PTPRN2: variants seen among roughly 807,000 people sequenced by gnomAD.
PTPRN2 encodes protein tyrosine phosphatase receptor type N2.
A neutral mutation model predicts 118.8 loss-of-function variants in PTPRN2; 74 were observed. The ratio of observed to expected loss-of-function variants is 0.62; its 90% CI spans 0.52 to 0.76. The LOEUF (loss-of-function observed/expected upper bound fraction) is 0.76, where lower values mean the gene tolerates loss of function less well. PTPRN2 is among the 30% of genes least tolerant of loss of function. The pLI, the probability that PTPRN2 is intolerant of heterozygous loss-of-function variation, is 0.00. For missense variants in PTPRN2, 1,481 were observed against 1,394.4 expected, an observed-to-expected ratio of 1.06 and a Z score of -0.99; for synonymous variants, 641 against 608.0, an observed-to-expected ratio of 1.05 and a Z score of -0.80.
chr7:157,814,102 C>T (rs1254032466), intron 12 of PTPRN2, among the ~76,000 whole-genome samples: 3 of 152,362 alleles, frequency 2.0e-5, no homozygotes, highest in South Asian at 2.1e-4. Context: ...GCCTGGTGCA[C>T]GGAGCCCCTG....
Position 158,370,687 on chromosome 7 carries a change from G to A in PTPRN2, c.164-53755C>T, listed in dbSNP as rs184592054. 1.2e-4 allele frequency among the ~76,000 whole-genome samples: 19 copies of A among 152,158 alleles called. No individual in the cohort carries two copies. The East Asian group carries it at 3.1e-3, about 25-fold the overall frequency. On this transcript the variant is annotated intron_variant, in intron 2 of 22. Transcript: ENST00000389418. ...GAATGCCATAAACCCAGGAGGCGGA[G>A]CTTGCAGTGAACCAAGATTGCACCA...
chr7:157,663,852 AT>A (rs1018802778), intron 13 of PTPRN2, among the ~76,000 whole-genome samples: 1 of 152,236 alleles, frequency 6.6e-6, no homozygotes, highest in African/African-American at 2.4e-5. Flanking sequence ...TTACCTTAAC[AT>A]TTAAAAATTT....
chr7:157,861,374 C>T lies in PTPRN2; in HGVS notation c.1788+37299G>A, dbSNP rs201423074. On this transcript the variant is annotated intron_variant, in intron 12 of 22. Transcript: ENST00000389418. This position sits in a 1 kb window ranked among gnomAD's most constrained non-coding sequence, Gnocchi z 5.8. Reference sequence around the variant, plus strand: ...AAGGAGCCCGGGTCCCTTCAGTCTGCGCTCCCTGCGGTGGGCAGTGGCTTC... The same window carrying T: ...AAGGAGCCCGGGTCCCTTCAGTCTGTGCTCCCTGCGGTGGGCAGTGGCTTC... Among the ~76,000 whole-genome samples, 56 of 152,340 alleles carry T rather than the reference C, an allele frequency of 3.7e-4. No individual in the cohort carries two copies. Among genetic ancestry groups the T allele is most frequent in the Non-Finnish European group, 6.0e-4 (41 of 68,028 alleles).
rs1266693131 is a variant in PTPRN2, at chr7:157,890,415, G to A, written c.1788+8258C>T. ...CCAGCACTTTGGGAGGCCAAGGCAG[G>A]CGGATCATGAGGTCAGGACATCAAA... On this transcript the variant is annotated intron_variant, in intron 12 of 22. Coordinates refer to ENST00000389418, the MANE Select transcript of PTPRN2 (RefSeq NM_002847.5). 2.6e-5 allele frequency among the ~76,000 whole-genome samples: 4 copies of A among 152,190 alleles called. No homozygotes were observed. In the South Asian group the frequency reaches 6.2e-4, roughly 24 times the overall value.
At chr7:158,340,833 T>G (rs544642898) in intron 2 of PTPRN2, among the ~76,000 whole-genome samples, 1,549 of 82,008 alleles carry the variant, frequency 0.019, 303 homozygotes, top group African/African-American at 0.073. Context: ...ACACCCACAC[T>G]CTCACCATAA....
chr7:158,031,192 C>T (rs1416218048), intron 11 of PTPRN2: 1 of 152,202 alleles, frequency 6.6e-6, no homozygotes, highest in African/African-American at 2.4e-5. Flanking sequence ...AATGTAAAAA[C>T]AGAGCTGAAT....
At chr7:157,968,506 G>A (rs1014788992) in intron 11 of PTPRN2, among the ~76,000 whole-genome samples, 1 of 152,200 alleles carries the variant, frequency 6.6e-6, no homozygotes, top group Non-Finnish European at 1.5e-5. Flanking sequence ...TTGTGTGAAT[G>A]GATGTGAACC....
At position 158,457,685 on chromosome 7, in the gene PTPRN2, C is replaced by G. The variant is rs1383591088; in HGVS notation, c.163+32050G>C. On this transcript the variant is annotated intron_variant, in intron 2 of 22. Transcript: ENST00000389418. Reference sequence around the variant, plus strand: ...ACTCCCGCTCCAGGGCGAGCCTGGCCTGGGGGGAGTCACAGTAAAGCCACC... The same window carrying G: ...ACTCCCGCTCCAGGGCGAGCCTGGCGTGGGGGGAGTCACAGTAAAGCCACC... Among the ~76,000 whole-genome samples the G allele has an allele frequency of 5.8e-5, 6 of 103,886 alleles. 1 individual carries two copies. 68.2% of individuals were successfully genotyped at this position (103,886 alleles called of 152,430 possible).
Position 157,615,585 on chromosome 7 carries a change from G to A in PTPRN2, c.2344+5777C>T, listed in dbSNP as rs540629754. ...CTGGAACCAGCGCCTGGGAAGTCCC[G>A]CGGTGGATCCGCGTCACGGGGGAGG... On this transcript the variant is annotated intron_variant, in intron 15 of 22. Coordinates refer to ENST00000389418, the MANE Select transcript of PTPRN2 (RefSeq NM_002847.5). This position sits in a 1 kb window ranked among gnomAD's most constrained non-coding sequence, Gnocchi z 4.3. The A allele has an allele frequency of 5.3e-5, 25 of 471,232 alleles. No homozygotes were observed. Among genetic ancestry groups the A allele is most frequent in the African/African-American group, 1.0e-4 (5 of 50,226 alleles). 29.2% of individuals were successfully genotyped at this position (471,232 alleles called of 1,614,324 possible).
At chr7:158,091,256 G>A (rs1476015375) in intron 10 of PTPRN2, among the ~76,000 whole-genome samples, 3 of 152,190 alleles carry the variant, frequency 2.0e-5, no homozygotes, top group African/African-American at 7.2e-5. Context: ...TTTAAATAAA[G>A]ACAGGCCTCA....
chr7:158,270,013 G>A (rs768473212), intron 3 of PTPRN2, among the ~76,000 whole-genome samples: 1 of 152,222 alleles, frequency 6.6e-6, no homozygotes, highest in Non-Finnish European at 1.5e-5. Flanking sequence ...CCCAGCAGTT[G>A]CCCGTCCACT....
At chr7:157,574,016 A>G (rs773840604) in intron 19 of PTPRN2, among the ~76,000 whole-genome samples, 17 of 152,192 alleles carry the variant, frequency 1.1e-4, no homozygotes, top group Non-Finnish European at 2.1e-4. Flanking sequence ...TAGAGAGGAA[A>G]ACCACGACAT....
At chr7:158,499,338 T>C (rs1343283536) in intron 1 of PTPRN2, among the ~76,000 whole-genome samples, 2 of 152,092 alleles carry the variant, frequency 1.3e-5, no homozygotes, top group East Asian at 3.9e-4. Context: ...CCCACCACAC[T>C]GAGAAGCAAG....
At chr7:158,124,256 C>T (rs961676808) in intron 9 of PTPRN2, among the ~76,000 whole-genome samples, 13 of 152,254 alleles carry the variant, frequency 8.5e-5, no homozygotes, top group African/African-American at 3.1e-4. Context: ...GCTATGCTGC[C>T]TTCTCTCTCC....
chr7:157,613,921 C>T, intron 15 of PTPRN2: 1 of 430,034 alleles, frequency 2.3e-6, no homozygotes, highest in South Asian at 1.8e-5. Flanking sequence ...TCCTCGAGCC[C>T]CTTACAGGCC....
Position 158,334,705 on chromosome 7 carries a change from G to A in PTPRN2, c.164-17773C>T, listed in dbSNP as rs1370750720. ...CACCCACACTCTCACCATAAGAGGT[G>A]ACACCTGCAGACGTCACACCCACAC... On this transcript the variant is annotated intron_variant, in intron 2 of 22. Coordinates refer to ENST00000389418, the MANE Select transcript of PTPRN2 (RefSeq NM_002847.5). 4.3e-3 allele frequency among the ~76,000 whole-genome samples: 85 copies of A among 19,594 alleles called. 5 individuals are homozygous for A. Among genetic ancestry groups the A allele is most frequent in the Middle Eastern group, 0.038 (1 of 26 alleles). The allele number at this position is 19,594 out of a possible 152,430, so 12.9% of individuals were successfully genotyped here. A position where few individuals can be genotyped will look rare whatever the true frequency, so the allele number is the denominator to read the frequency against.
rs868387104 is a variant in PTPRN2 at position 158,469,747 on chromosome 7, A to C, written c.163+19988T>G. ...GAGAAAACCTGGCCAAAAAAAAAAA[A>C]AAAAAAATGCAAAGAATTGGGAGCT... On this transcript the variant is annotated intron_variant, in intron 2 of 22. Coordinates refer to ENST00000389418, the MANE Select transcript of PTPRN2 (RefSeq NM_002847.5). Among the ~76,000 whole-genome samples the C allele has an allele frequency of 2.5e-3, 379 of 152,236 alleles. 2 individuals carry two copies. The highest frequency in any genetic ancestry group is 8.7e-3 in the African/African-American group (363 of 41,514).
At chr7:158,410,287 G>A (rs1813937353) in intron 2 of PTPRN2, among the ~76,000 whole-genome samples, 1 of 152,156 alleles carries the variant, frequency 6.6e-6, no homozygotes, top group African/African-American at 2.4e-5. Context: ...ACGACACTCA[G>A]GACACAGCTG....
chr7:158,079,131 C>T (rs1253041830), intron 11 of PTPRN2, among the ~76,000 whole-genome samples: 1 of 152,222 alleles, frequency 6.6e-6, no homozygotes, highest in African/African-American at 2.4e-5. Flanking sequence ...GTGTGAGCCA[C>T]TGCACCCGGC....
Sources: gnomAD v4.1 joint callset for allele counts (sites outside exome capture counted in the v4.1 genomes callset) on GRCh38, gnomAD v4.1.1 for gene constraint, Gnocchi (gnomAD v3.1) non-coding constraint, MANE v1.5 for transcripts, NCBI Gene and HGNC (gene_info 2026-07-23, HGNC 2026-07-21) for gene names.